Variants in ODAD4 observed in about 807,000 individuals in gnomAD.
The protein encoded by ODAD4 is outer dynein arm docking complex subunit 4.
ODAD4 carries 49 observed loss-of-function variants against 51.8 expected under a neutral mutation model. The ratio of observed to expected loss-of-function variants is 0.95; its 90% CI spans 0.75 to 1.20. ODAD4 has a LOEUF of 1.20. ODAD4 is among the 50% of genes most tolerant of loss of function. ODAD4 has a pLI of 0.00. For missense variants in ODAD4, 590 were observed against 586.5 expected (o/e 1.01, Z -0.06); for synonymous variants, 235 against 221.3 (o/e 1.06, Z -0.55).
chr17:41,951,883 CAAAAAAAAA>C (rs55769009), intron 9 of ODAD4, among the ~76,000 whole-genome samples: 2 of 35,550 alleles, frequency 5.6e-5, no homozygotes, highest in Admixed American at 4.4e-4. Context: ...GACTCTGTCG[CAAAAAAAAA>C]AAAAAAAAAA....
chr17:41,938,477 GC>G, intron 5 of ODAD4, 79 bp from the exon 6 acceptor site: 2 of 1,184,080 alleles, frequency 1.7e-6, no homozygotes, highest in South Asian at 1.3e-5. Flanking sequence ...GGGCCCTGCA[GC>G]GGCCACCGGG....
At chr17:41,951,292 T>G (rs1378145043) in intron 9 of ODAD4, among the ~76,000 whole-genome samples, 6 of 151,098 alleles carry the variant, frequency 4.0e-5, no homozygotes, top group African/African-American at 1.5e-4. Flanking sequence ...ACCAAGTTGG[T>G]CAGGCTGGTC....
At chr17:41,935,098 C>G in intron 1 of ODAD4, 119 bp from the exon 2 acceptor site, 11 of 1,230,462 alleles carry the variant, frequency 8.9e-6, no homozygotes, top group Non-Finnish European at 1.2e-5. Flanking sequence ...TCTTCAGAGC[C>G]TTGATTTCTT....
At chr17:41,931,074 TTAGTAG>T (rs2050327802) in intron 1 of ODAD4, among the ~76,000 whole-genome samples, 1 of 151,944 alleles carries the variant, frequency 6.6e-6, no homozygotes, top group African/African-American at 2.4e-5. Flanking sequence ...TTTTGTCTTT[TTAGTAG>T]AGATGGGGGT....
At position 41,936,468 on chromosome 17, in the gene ODAD4, T is replaced by C. The variant is rs1555637807; in HGVS notation, c.398-5T>C. On this transcript the variant is annotated splice_polypyrimidine_tract_variant and splice_region_variant and intron_variant, in intron 3 of 11. Transcript: ENST00000377540. ...CGACCTGAGCTCCAGCTTCTTTCCTTGCAGGTCCTTCTTCCATTAAGCTGG... is the reference window on the plus strand; with the variant it reads ...CGACCTGAGCTCCAGCTTCTTTCCTCGCAGGTCCTTCTTCCATTAAGCTGG... 2 of 1,611,982 alleles carry C rather than the reference T, an allele frequency of 1.2e-6. No individual in the cohort carries two copies. Among genetic ancestry groups the C allele is most frequent in the Non-Finnish European group, 1.7e-6 (2 of 1,178,722 alleles).
At chr17:41,964,466 C>T (rs557282513) in intron 11 of ODAD4, among the ~76,000 whole-genome samples, 7 of 152,272 alleles carry the variant, frequency 4.6e-5, no homozygotes, top group Middle Eastern at 3.4e-3. Flanking sequence ...ACAGCCCTCA[C>T]GTGATGCACA....
intron 7 of ODAD4, among the ~76,000 whole-genome samples, chr17:41,941,044 T>C (rs1286208907): frequency 6.6e-6 from 1 of 152,220 alleles, no homozygotes; most frequent in Non-Finnish European, 1.5e-5. Context: ...ATCGCTCAAG[T>C]TGGTCTGGAT....
chr17:41,939,995 C>T (rs2050484252), intron 7 of ODAD4, among the ~76,000 whole-genome samples: 1 of 152,152 alleles, frequency 6.6e-6, no homozygotes, highest in Non-Finnish European at 1.5e-5. Context: ...TGCCTGGTAT[C>T]CACAATAGTA....
intron 9 of ODAD4, among the ~76,000 whole-genome samples, chr17:41,954,870 T>A (rs978499312): frequency 4.6e-4 from 68 of 148,708 alleles, no homozygotes; most frequent in African/African-American, 1.1e-3. Flanking sequence ...AAAAAAAAAA[T>A]TCGTCTTCCA....
At chr17:41,955,903 C>A (rs1309556591) in intron 10 of ODAD4, among the ~76,000 whole-genome samples, 1 of 151,974 alleles carries the variant, frequency 6.6e-6, no homozygotes, top group African/African-American at 2.4e-5. Context: ...GCCTCGACCT[C>A]CTGGGCTCAA....
intron 8 of ODAD4, among the ~76,000 whole-genome samples, chr17:41,946,370 G>A (rs1347606023): frequency 6.6e-6 from 1 of 152,206 alleles, no homozygotes; most frequent in Non-Finnish European, 1.5e-5. Flanking sequence ...CTGTCACCCA[G>A]GCTGGAGTGC....
In ODAD4 at chr17:41,965,445, A is replaced by G. The variant is rs1271891422; in HGVS notation, c.1981A>G (p.Lys661Glu). Reference sequence around the variant, plus strand: ...ACAATTTGGAGAAATAGGAGAAACGAAAAAAACAGGAAATGAGATGGAAAA... The same window carrying G: ...ACAATTTGGAGAAATAGGAGAAACGGAAAAAACAGGAAATGAGATGGAAAA... Reference protein sequence around the residue: ...KTQFGEIGETKKTGNEMEKEY... With the variant: ...KTQFGEIGETEKTGNEMEKEY... Residue 661 changes from lysine (K) to glutamate (E), a missense_variant, in exon 12 of 12, where the codon AAA becomes GAA. Coordinates refer to ENST00000377540, the MANE Select transcript of ODAD4 (RefSeq NM_031421.5). 9.1e-6 allele frequency: 7 copies of G among 773,026 alleles called. No homozygotes were observed. In the African/African-American group the frequency reaches 1.2e-4, roughly 13 times the overall value. The allele number at this position is 773,026 out of a possible 1,614,324, so 47.9% of individuals were successfully genotyped here.
intron 9 of ODAD4, among the ~76,000 whole-genome samples, chr17:41,951,475 T>C (rs1477472379): frequency 2.0e-5 from 3 of 151,706 alleles, no homozygotes; most frequent in East Asian, 3.9e-4. Flanking sequence ...CGTCTCACTC[T>C]GTTGCCCAGT....
chr17:41,961,518 C>T (rs1294894469), intron 11 of ODAD4, 52 bp downstream of exon 11: 3 of 716,790 alleles, frequency 4.2e-6, no homozygotes, highest in African/African-American at 3.5e-5. Flanking sequence ...CCTCTGCTTT[C>T]TTTTCCTCTA....
chr17:41,965,044 G>A lies in ODAD4; in HGVS notation c.1580G>A (p.Arg527Lys), dbSNP rs1555642326. 2 of 739,944 alleles carry A rather than the reference G, an allele frequency of 2.7e-6. No homozygotes were observed. Among genetic ancestry groups the A allele is most frequent in the Non-Finnish European group, 5.0e-6 (2 of 397,458 alleles). The allele number at this position is 739,944 out of a possible 1,614,324, so 45.8% of individuals were successfully genotyped here. Residue 527 changes from arginine (R) to lysine (K), a missense_variant, in exon 12 of 12, where the codon AGA becomes AAA. Physicochemically the swap from Arg to Lys is conservative, Grantham distance 26. Coordinates refer to ENST00000377540, the MANE Select transcript of ODAD4 (RefSeq NM_031421.5). ...RIITREKDMRRVRDEPEKVVK... is the reference protein window; with the variant it reads ...RIITREKDMRKVRDEPEKVVK... ...ATAACAAGAGAGAAGGACATGAGGA[G>A]AGTGAGAGATGAGCCCGAGAAGGTG... is the stretch of plus-strand genomic sequence containing the variant.
chr17:41,932,637 T>G (rs1189315259), intron 1 of ODAD4, among the ~76,000 whole-genome samples: 1 of 151,718 alleles, frequency 6.6e-6, no homozygotes, highest in African/African-American at 2.4e-5. Flanking sequence ...TTCAAACTCC[T>G]GAGCTCAAGT....
At chr17:41,950,080 C>T (rs1211654375) in intron 9 of ODAD4, among the ~76,000 whole-genome samples, 1 of 151,758 alleles carries the variant, frequency 6.6e-6, no homozygotes, top group Non-Finnish European at 1.5e-5. Context: ...AGCGATTCTC[C>T]TGCTTCAGCC....
At chr17:41,955,391 G>A in intron 10 of ODAD4, 74 bp downstream of exon 10, 1 of 693,212 alleles carries the variant, frequency 1.4e-6, no homozygotes, top group South Asian at 1.5e-5. Context: ...TTCCCCCTCA[G>A]CCTGCTTGGG....
At chr17:41,962,663 T>G (rs1296598106) in intron 11 of ODAD4, among the ~76,000 whole-genome samples, 2 of 152,240 alleles carry the variant, frequency 1.3e-5, no homozygotes, top group African/African-American at 4.8e-5. Context: ...GGTTAGAGGC[T>G]ACAGTGGTTT....
Sources: gnomAD v4.1 joint callset for allele counts (sites outside exome capture counted in the v4.1 genomes callset) on GRCh38, gnomAD v4.1.1 for gene constraint, MANE v1.5 for transcripts, NCBI Gene and HGNC (gene_info 2026-07-23, HGNC 2026-07-21) for gene names.